The following DIP2C variants were observed in gnomAD, a reference collection of about 807,000 sequenced individuals.
DIP2C encodes the protein disco-interacting protein 2 homolog C.
Under a neutral mutation model 192.4 loss-of-function variants are expected in DIP2C, and 33 were observed. That is an observed-to-expected ratio of 0.17 (90% CI 0.13 to 0.23). DIP2C has a LOEUF of 0.23. DIP2C is among the 10% of genes least tolerant of loss of function. DIP2C has a pLI of 1.00. For missense variants in DIP2C, 1,537 were observed against 2,110.1 expected (o/e 0.73, Z 5.32); for synonymous variants, 979 against 864.1 (o/e 1.13, Z -2.33).
chr10:643,220 A>G (rs1359097603), intron 1 of DIP2C, among the ~76,000 whole-genome samples: 1 of 132,966 alleles, frequency 7.5e-6, no homozygotes, highest in East Asian at 2.4e-4. Flanking sequence ...TCCGTCTCAA[A>G]AAAAAAAAAA....
chr10:567,986 G>A (rs959906569), intron 1 of DIP2C, among the ~76,000 whole-genome samples: 15 of 152,206 alleles, frequency 9.9e-5, no homozygotes, highest in Middle Eastern at 3.4e-3. Context: ...GGACATCCAC[G>A]TCCCACCGAG....
rs141149499 is a variant in DIP2C at position 525,520 on chromosome 10, T to C, written c.86-38990A>G. 1.4e-3 allele frequency among the ~76,000 whole-genome samples: 214 copies of C among 152,016 alleles called. 1 individual carries two copies. Among genetic ancestry groups the C allele is most frequent in the African/African-American group, 4.7e-3 (194 of 41,546 alleles). On this transcript the variant is annotated intron_variant, in intron 1 of 36. Transcript: ENST00000280886. ...TACAAAGTGTTTGAGGAAAAGTCTT[T>C]CTAACTGTAAAAATTCGAGCTGATT... is the stretch of plus-strand genomic sequence containing the variant.
chr10:427,909 T>C (rs1252659425), intron 4 of DIP2C, among the ~76,000 whole-genome samples: 2 of 152,278 alleles, frequency 1.3e-5, no homozygotes, highest in African/African-American at 4.8e-5. Flanking sequence ...CTACTTGGCA[T>C]CCTCCCAAGA....
At chr10:474,684 G>T (rs1168219020) in intron 2 of DIP2C, among the ~76,000 whole-genome samples, 2 of 152,200 alleles carry the variant, frequency 1.3e-5, no homozygotes, top group Non-Finnish European at 2.9e-5. Context: ...AACACTTGGG[G>T]GCCCCACACA....
At chr10:680,156 C>T (rs981540723) in intron 1 of DIP2C, among the ~76,000 whole-genome samples, 2 of 152,174 alleles carry the variant, frequency 1.3e-5, no homozygotes, top group African/African-American at 2.4e-5. Flanking sequence ...CCAGAGAACG[C>T]TTGGGACCCT....
chr10:338,502 A>G (rs1957981902), intron 29 of DIP2C, among the ~76,000 whole-genome samples: 1 of 151,742 alleles, frequency 6.6e-6, no homozygotes, highest in African/African-American at 2.4e-5. Flanking sequence ...TCGACACACG[A>G]CCACTTACCA....
At chr10:682,972 G>A (rs2119095121) in intron 1 of DIP2C, among the ~76,000 whole-genome samples, 2 of 152,312 alleles carry the variant, frequency 1.3e-5, no homozygotes, top group East Asian at 3.9e-4. Context: ...ACCCTGGACA[G>A]TGTTCCTTCT....
chr10:489,173 G>C (rs561286451), intron 1 of DIP2C, among the ~76,000 whole-genome samples: 1 of 152,144 alleles, frequency 6.6e-6, no homozygotes, highest in Non-Finnish European at 1.5e-5. Flanking sequence ...CTCCTGCTAC[G>C]TTTTCATGGA....
chr10:592,585 T>TAG (rs1315831422), intron 1 of DIP2C, among the ~76,000 whole-genome samples: 1 of 152,166 alleles, frequency 6.6e-6, no homozygotes, highest in African/African-American at 2.4e-5. Context: ...GGTGTCTGCT[T>TAG]AGAAAGGGTA....
At chr10:577,546 A>G (rs985035683) in intron 1 of DIP2C, among the ~76,000 whole-genome samples, 1 of 152,208 alleles carries the variant, frequency 6.6e-6, no homozygotes, top group African/African-American at 2.4e-5. Flanking sequence ...CACCACACTC[A>G]GCACGCAGTG....
In DIP2C at chr10:471,183, A is replaced by C. The variant is rs139493885; in HGVS notation, c.268+1256T>G. On this transcript the variant is annotated intron_variant, in intron 3 of 36. Coordinates refer to ENST00000280886, the MANE Select transcript of DIP2C (RefSeq NM_014974.3). Reference sequence around the variant, plus strand: ...TCACAGCCTCCTTGGAGAAGGCAGCAGGGGCGCCCAGGAGGTGGCACCAGC... The same window carrying C: ...TCACAGCCTCCTTGGAGAAGGCAGCCGGGGCGCCCAGGAGGTGGCACCAGC... Among the ~76,000 whole-genome samples the C allele has an allele frequency of 3.7e-3, 560 of 152,284 alleles. 1 individual carries two copies. The highest frequency in any genetic ancestry group is 5.3e-3 in the Non-Finnish European group (361 of 68,020).
At chr10:622,862 T>C (rs1853958137) in intron 1 of DIP2C, among the ~76,000 whole-genome samples, 1 of 152,198 alleles carries the variant, frequency 6.6e-6, no homozygotes, top group Non-Finnish European at 1.5e-5. Context: ...TGTTAGACAC[T>C]GGGTATGGGG....
chr10:474,168 A>G (rs1970870725), intron 2 of DIP2C, among the ~76,000 whole-genome samples: 1 of 152,224 alleles, frequency 6.6e-6, no homozygotes, highest in African/African-American at 2.4e-5. Flanking sequence ...CTCACATGAA[A>G]AACAGTAGCT....
chr10:314,163 T>C (rs1255062842), intron 31 of DIP2C, among the ~76,000 whole-genome samples: 1 of 152,238 alleles, frequency 6.6e-6, no homozygotes, highest in Non-Finnish European at 1.5e-5. Flanking sequence ...AGAATTTTTA[T>C]ATTTGCATTA....
intron 1 of DIP2C, among the ~76,000 whole-genome samples, chr10:564,826 T>A (rs1374412092): frequency 6.6e-6 from 1 of 152,156 alleles, no homozygotes; most frequent in Non-Finnish European, 1.5e-5. Context: ...ACATAACACG[T>A]GAGCAGAAAC....
At chr10:416,849 C>T (rs1357749922) in intron 6 of DIP2C, among the ~76,000 whole-genome samples, 2 of 152,164 alleles carry the variant, frequency 1.3e-5, no homozygotes, top group Non-Finnish European at 2.9e-5. Flanking sequence ...GTGCAGGGGT[C>T]TCTGTAGGTG....
chr10:576,706 G>C (rs1459456115), intron 1 of DIP2C, among the ~76,000 whole-genome samples: 1 of 152,142 alleles, frequency 6.6e-6, no homozygotes, highest in Non-Finnish European at 1.5e-5. Flanking sequence ...TCAGGAGTTG[G>C]AGACCAGCCT....
chr10:638,769 T>C (rs942128359), intron 1 of DIP2C, among the ~76,000 whole-genome samples: 17 of 152,192 alleles, frequency 1.1e-4, no homozygotes, highest in African/African-American at 3.4e-4. Flanking sequence ...CCCAGGACAC[T>C]AGAAGGCTGA....
chr10:458,562 T>G (rs545579066), intron 3 of DIP2C, among the ~76,000 whole-genome samples: 30 of 144,072 alleles, frequency 2.1e-4, no homozygotes, highest in African/African-American at 7.4e-4. Context: ...TGTGACGGAG[T>G]GCTCAGAACC....
Sources: gnomAD v4.1 joint callset for allele counts (sites outside exome capture counted in the v4.1 genomes callset) on GRCh38, gnomAD v4.1.1 for gene constraint, MANE v1.5 for transcripts, NCBI Gene and HGNC (gene_info 2026-07-23, HGNC 2026-07-21) for gene names.